The following IRAG2 variants were observed in gnomAD, a reference collection of about 807,000 sequenced individuals.
The protein encoded by IRAG2 is lymphoid restricted membrane protein.
In IRAG2, 45 loss-of-function variants were observed where a neutral mutation model predicts 69.9. The observed-to-expected ratio is 0.64, with a 90% CI of 0.51 to 0.83. The LOEUF is 0.83. Among genes scored for constraint, IRAG2 ranks in the 40% least tolerant of loss-of-function variants. The pLI, the probability that IRAG2 is intolerant of heterozygous loss-of-function variation, is 0.00. For missense variants in IRAG2, 520 were observed against 587.0 expected, an observed-to-expected ratio of 0.89 and a Z score of 1.18; for synonymous variants, 193 against 202.4, an observed-to-expected ratio of 0.95 and a Z score of 0.40.
chr12:25,050,266 C>T (rs1188481680), upstream of IRAG2, among the ~76,000 whole-genome samples: 2 of 151,918 alleles, frequency 1.3e-5, no homozygotes, highest in East Asian at 1.9e-4. Context: ...TGCGGTGGCT[C>T]ATGCCTGTAA....
intron 5 of IRAG2, among the ~76,000 whole-genome samples, chr12:25,068,954 T>TCCCTGC (rs1390355147): frequency 6.6e-6 from 1 of 152,180 alleles, no homozygotes; most frequent in African/African-American, 2.4e-5. Flanking sequence ...CCTATACCTG[T>TCCCTGC]CCCTGCCCTC....
chr12:25,003,321 CTAGAG>C (rs1565523385), upstream of IRAG2, among the ~76,000 whole-genome samples: 1 of 152,122 alleles, frequency 6.6e-6, no homozygotes, highest in Non-Finnish European at 1.5e-5. Context: ...AACCTTTTGC[CTAGAG>C]TATTTAAAAA....
intron 7 of IRAG2, chr12:25,021,096 T>C (rs1944575773): frequency 5.4e-6 from 2 of 369,100 alleles, no homozygotes; most frequent in East Asian, 7.8e-5. Context: ...CTTTTCTTTT[T>C]TTTTTTTTCT....
intron 9 of IRAG2, among the ~76,000 whole-genome samples, chr12:25,082,054 T>A (rs1048646860): frequency 6.6e-6 from 1 of 151,976 alleles, no homozygotes; most frequent in African/African-American, 2.4e-5. Context: ...GCCACCACAT[T>A]TGACTAATTA....
chr12:25,053,510 T>G (rs116926624), intron 1 of IRAG2, among the ~76,000 whole-genome samples: 1 of 152,224 alleles, frequency 6.6e-6, no homozygotes, highest in Non-Finnish European at 1.5e-5. Flanking sequence ...TTTTAAAAAT[T>G]GGAATATTTG....
At chr12:25,052,063 A>G (rs1178085637), upstream of IRAG2, among the ~76,000 whole-genome samples, 1 of 152,176 alleles carries the variant, frequency 6.6e-6, no homozygotes, top group Admixed American at 6.5e-5. Context: ...TTTGCTTAAG[A>G]TTTTATATTT....
rs201926714 is a variant in IRAG2 at position 25,004,988 on chromosome 12, T to TA, written c.574+82dup. 3,177 of 938,458 alleles carry TA rather than the reference T, an allele frequency of 3.4e-3. 46 individuals carry two copies. In the African/African-American group the frequency reaches 0.044, roughly 13 times the overall value. 58.1% of individuals were successfully genotyped at this position (938,458 alleles called of 1,614,324 possible). ...ATATCTACTTTTAGAATACCTGAAC[T>TA]AAAAAAAAATCTACATTATTAAAGT... On this transcript the variant is annotated intron_variant, in intron 1 of 38. Transcript: ENST00000636465.
chr12:25,017,924 A>G (rs1173261708), intron 6 of IRAG2, among the ~76,000 whole-genome samples: 1 of 152,170 alleles, frequency 6.6e-6, no homozygotes, highest in Non-Finnish European at 1.5e-5. Context: ...GGCATTACAT[A>G]TAAATGGAAT....
intron 6 of IRAG2, chr12:25,076,509 CT>C (rs1565561401): frequency 1.0e-6 from 1 of 984,802 alleles, no homozygotes; most frequent in Non-Finnish European, 1.2e-6. Context: ...CTAATTAGAC[CT>C]TTTTTTGAAA....
chr12:25,049,982 CAAAAAAAAAAAAA>C (rs56185966), upstream of IRAG2, among the ~76,000 whole-genome samples: 3 of 71,308 alleles, frequency 4.2e-5, no homozygotes, highest in East Asian at 4.5e-4. Flanking sequence ...AACTGTGTCT[CAAAAAAAAAAAAA>C]AAAAAAAAAA....
chr12:25,094,386 A>G (rs1948281503), intron 14 of IRAG2, among the ~76,000 whole-genome samples: 1 of 151,934 alleles, frequency 6.6e-6, no homozygotes, highest in South Asian at 2.1e-4. Context: ...GTTGAAGATC[A>G]TTTCATATAC....
intron 16 of IRAG2, among the ~76,000 whole-genome samples, chr12:25,046,365 GA>G (rs998444699): frequency 1.2e-3 from 174 of 148,002 alleles, no homozygotes; most frequent in East Asian, 8.3e-3. Flanking sequence ...ATTTAGGCAA[GA>G]AAAAAAAATA....
intron 2 of IRAG2, among the ~76,000 whole-genome samples, chr12:25,008,746 A>G (rs1421229883): frequency 6.6e-6 from 1 of 152,164 alleles, no homozygotes; most frequent in Non-Finnish European, 1.5e-5. Context: ...CTCAAAATAA[A>G]AGAAAAATTA....
chr12:25,016,033 C>CA (rs1299930282), intron 5 of IRAG2, among the ~76,000 whole-genome samples: 1 of 151,742 alleles, frequency 6.6e-6, no homozygotes, highest in Non-Finnish European at 1.5e-5. Context: ...CTGTCTCTAC[C>CA]AAAAATACAA....
intron 8 of IRAG2, among the ~76,000 whole-genome samples, chr12:25,024,125 G>A (rs1944604596): frequency 6.6e-6 from 1 of 152,080 alleles, no homozygotes. Flanking sequence ...AATTATCCTT[G>A]GAAGAAATGG....
rs1198316520 is a variant in IRAG2, at chr12:25,107,975, C to T, written c.1415C>T (p.Thr472Ile). The change falls in exon 22 of 22, where the codon ACA becomes ATA. Residue 472 changes from threonine to isoleucine, a missense_variant. Coordinates refer to ENST00000556887, the MANE Select transcript of IRAG2 (RefSeq NM_001366544.2). ...LFQKSVDAAPTQQEDSWTSLE... is the reference protein window; with the variant it reads ...LFQKSVDAAPIQQEDSWTSLE... ...CAGAAGTCTGTGGATGCCGCTCCCA[C>T]ACAGCAAGAGGACTCATGGACGTCT... is the stretch of plus-strand genomic sequence containing the variant. 6.2e-7 allele frequency: 1 copy of T among 1,614,204 alleles called. No homozygotes were observed. The highest frequency in any genetic ancestry group is 8.5e-7 in the Non-Finnish European group (1 of 1,180,030).
intron 9 of IRAG2, among the ~76,000 whole-genome samples, chr12:25,029,094 A>G (rs1565529668): frequency 6.6e-6 from 1 of 151,958 alleles, no homozygotes; most frequent in Admixed American, 6.6e-5. Flanking sequence ...ATGCCCAGTT[A>G]ATTTATTTTT....
At chr12:25,056,438 A>C (rs970535693) in intron 1 of IRAG2, among the ~76,000 whole-genome samples, 3 of 152,240 alleles carry the variant, frequency 2.0e-5, no homozygotes, top group African/African-American at 7.2e-5. Flanking sequence ...ATAATGATTA[A>C]GAACATGGGA....
intron 2 of IRAG2, chr12:25,005,447 G>T: frequency 2.0e-6 from 1 of 499,826 alleles, no homozygotes; most frequent in South Asian, 1.1e-4. Context: ...ATTTGTGTGT[G>T]GGTCTCATTG....
Sources: gnomAD v4.1 joint callset for allele counts (sites outside exome capture counted in the v4.1 genomes callset) on GRCh38, gnomAD v4.1.1 for gene constraint, MANE v1.5 for transcripts, NCBI Gene and HGNC (gene_info 2026-07-23, HGNC 2026-07-21) for gene names.